Variants in ARHGAP39 observed in about 807,000 individuals in gnomAD.
ARHGAP39 encodes the protein Rho GTPase activating protein 39.
In ARHGAP39, 44 loss-of-function variants were observed where a neutral mutation model predicts 106.9. That is an observed-to-expected ratio of 0.41 (90% confidence interval 0.32 to 0.53). ARHGAP39 has a LOEUF of 0.53. Among genes scored for constraint, ARHGAP39 ranks in the 20% least tolerant of loss-of-function variants. ARHGAP39 has a pLI of 0.21. For synonymous variants in ARHGAP39, 768 were observed against 693.2 expected (o/e 1.11, Z -1.69); for missense variants, 1,496 against 1,577.3 (o/e 0.95, Z 0.87).
At chr8:144,631,923 G>A (rs751774609) in intron 1 of ARHGAP39, among the ~76,000 whole-genome samples, 5 of 152,216 alleles carry the variant, frequency 3.3e-5, no homozygotes, top group Admixed American at 2.0e-4. Flanking sequence ...AACAGCCGGT[G>A]ACTGGGCCTC....
intron 3 of ARHGAP39, among the ~76,000 whole-genome samples, chr8:144,564,861 C>T (rs1477580548): frequency 6.6e-6 from 1 of 150,938 alleles, no homozygotes; most frequent in Non-Finnish European, 1.5e-5. Context: ...AATCCCAGCA[C>T]TTTGGGAGGC....
chr8:144,622,927 A>G (rs1232431138), intron 1 of ARHGAP39, among the ~76,000 whole-genome samples: 1 of 152,194 alleles, frequency 6.6e-6, no homozygotes, highest in South Asian at 2.1e-4. Context: ...CCCAAGGCTG[A>G]GACTGGGAGG....
rs776286021 is a variant in ARHGAP39, at chr8:144,530,161, G to A, written c.*261C>T. The A allele has an allele frequency of 4.8e-5, 25 of 518,136 alleles. No homozygotes were observed. The highest frequency in any genetic ancestry group is 8.5e-5 in the Non-Finnish European group (25 of 292,878). The allele number at this position is 518,136 out of a possible 1,614,324, so 32.1% of individuals were successfully genotyped here. A position where few individuals can be genotyped will look rare whatever the true frequency, so the allele number is the denominator to read the frequency against. ...GGCACTTTCTCGGAGCTGACCCGCG[G>A]CCAGCGGAGGGCGAGGCGGTGCCCG... is the stretch of plus-strand genomic sequence containing the variant. On this transcript the variant is annotated 3_prime_UTR_variant, in exon 12 of 12. Transcript: ENST00000377307.
chr8:144,535,831 T>G (rs1032751434), intron 7 of ARHGAP39, among the ~76,000 whole-genome samples: 1 of 152,210 alleles, frequency 6.6e-6, no homozygotes, highest in Non-Finnish European at 1.5e-5. Context: ...TGTGCCTCAG[T>G]TTACTCCTCT....
In ARHGAP39 at chr8:144,644,374, A is replaced by G. The variant is rs1271071827; in HGVS notation, c.-81-38679T>C. ...TGTCCATGAAGTGACCAGGAGCGGC[A>G]GATCGGCAGAGATGGAGGCGGCTAT... On this transcript the variant is annotated intron_variant, in intron 1 of 11. Transcript: ENST00000377307. This position sits in a 1 kb window ranked among gnomAD's most constrained non-coding sequence, Gnocchi z 4.8. Among the ~76,000 whole-genome samples the G allele has an allele frequency of 2.0e-5, 3 of 152,224 alleles. No individual in the cohort carries two copies. Among genetic ancestry groups the G allele is most frequent in the Non-Finnish European group, 4.4e-5 (3 of 68,038 alleles).
At chr8:144,600,424 G>A (rs543926010) in intron 2 of ARHGAP39, among the ~76,000 whole-genome samples, 2 of 148,390 alleles carry the variant, frequency 1.3e-5, no homozygotes, top group Non-Finnish European at 3.0e-5. Context: ...GTACCTGAGT[G>A]TGCGTGTTCG....
At chr8:144,667,728 TG>T (rs1268483769) in intron 1 of ARHGAP39, among the ~76,000 whole-genome samples, 1 of 152,220 alleles carries the variant, frequency 6.6e-6, no homozygotes, top group Non-Finnish European at 1.5e-5. Context: ...GTGACCCTGG[TG>T]GGTCACAGCC....
At chr8:144,688,544 G>A (rs920619450), upstream of ARHGAP39, among the ~76,000 whole-genome samples, 23 of 152,148 alleles carry the variant, frequency 1.5e-4, no homozygotes, top group African/African-American at 5.3e-4. Context: ...TCAGGAATTC[G>A]AGACCAGCCT....
chr8:144,573,549 T>A (rs543944567), intron 3 of ARHGAP39, among the ~76,000 whole-genome samples: 1 of 152,162 alleles, frequency 6.6e-6, no homozygotes, highest in African/African-American at 2.4e-5. Context: ...GGCACATGTA[T>A]ACCTATGTAA....
At position 144,679,511 on chromosome 8, in the gene ARHGAP39, G is replaced by A. The variant is rs532578579; in HGVS notation, c.-82+6175C>T. 1.4e-3 allele frequency among the ~76,000 whole-genome samples: 214 copies of A among 152,352 alleles called. No homozygotes were observed. The highest frequency in any genetic ancestry group is 4.7e-3 in the African/African-American group (197 of 41,586). ...CCTCTGCTGCTGTGAGCGCTGCAGTGCTGGGGTTGCTACTGCAACTCGCTC... is the reference window on the plus strand; with the variant it reads ...CCTCTGCTGCTGTGAGCGCTGCAGTACTGGGGTTGCTACTGCAACTCGCTC... On this transcript the variant is annotated intron_variant, in intron 1 of 11. Transcript: ENST00000377307. This position sits in a 1 kb window ranked among gnomAD's most constrained non-coding sequence, Gnocchi z 4.7.
chr8:144,660,894 G>A (rs1212964135), intron 1 of ARHGAP39, among the ~76,000 whole-genome samples: 1 of 152,132 alleles, frequency 6.6e-6, no homozygotes, highest in Non-Finnish European at 1.5e-5. Flanking sequence ...TGAGGCAGGA[G>A]AATTGCTTGA....
chr8:144,579,901 C>A (rs1397795998), intron 3 of ARHGAP39, among the ~76,000 whole-genome samples: 4 of 152,164 alleles, frequency 2.6e-5, no homozygotes, highest in Non-Finnish European at 4.4e-5. Context: ...AGAGTGGCCT[C>A]CATCCGCCCC....
At chr8:144,546,049 C>T (rs1817406900) in intron 5 of ARHGAP39, among the ~76,000 whole-genome samples, 1 of 152,200 alleles carries the variant, frequency 6.6e-6, no homozygotes, top group African/African-American at 2.4e-5. Context: ...GGGCAGCCTG[C>T]TGATGGGTGA....
At chr8:144,685,491 C>T (rs1448832862) in intron 1 of ARHGAP39, among the ~76,000 whole-genome samples, 195 bp downstream of exon 1, 1 of 148,868 alleles carries the variant, frequency 6.7e-6, no homozygotes, top group African/African-American at 2.4e-5. Context: ...CCGGGCCCCG[C>T]ACACCCACGC....
chr8:144,530,059 A>AG lies in ARHGAP39; in HGVS notation c.*362dup. 3.9e-6 allele frequency: 1 copy of AG among 259,082 alleles called. No homozygotes were observed. Among genetic ancestry groups the AG allele is most frequent in the East Asian group, 9.6e-5 (1 of 10,444 alleles). 16.0% of individuals were successfully genotyped at this position (259,082 alleles called of 1,614,324 possible). ...AGACCGGGGCGGCTGGGCAAGGCCC[A>AG]GGCCAGGGCGCGCAGGAGCCACAGG... On this transcript the variant is annotated 3_prime_UTR_variant, in exon 12 of 12. Coordinates refer to ENST00000377307, the MANE Select transcript of ARHGAP39 (RefSeq NM_025251.3).
At chr8:144,691,950 C>T in the ARHGAP39 span, among the ~76,000 whole-genome samples, 2 of 151,992 alleles carry the variant, frequency 1.3e-5, no homozygotes, top group Non-Finnish European at 2.9e-5. Flanking sequence ...TGTCCTAAAC[C>T]GATTCAAGGC....
chr8:144,574,618 A>G lies in ARHGAP39; in HGVS notation c.512+6228T>C, dbSNP rs202011204. 1.6e-4 allele frequency among the ~76,000 whole-genome samples: 25 copies of G among 152,280 alleles called. No homozygotes were observed. The South Asian group carries it at 1.9e-3, about 11-fold the overall frequency. On this transcript the variant is annotated intron_variant, in intron 3 of 11. Transcript: ENST00000377307. Reference sequence around the variant, plus strand: ...GAACCCAGGAGGCGGAGCTTGCAGTAAGCTGAGATTGCGGCACTGCATTCC... The same window carrying G: ...GAACCCAGGAGGCGGAGCTTGCAGTGAGCTGAGATTGCGGCACTGCATTCC...
chr8:144,669,140 C>A (rs1376516517), intron 1 of ARHGAP39, among the ~76,000 whole-genome samples: 1 of 142,084 alleles, frequency 7.0e-6, no homozygotes, highest in Non-Finnish European at 1.5e-5. Context: ...TTACCTCACA[C>A]ATGAACAAAA....
chr8:144,557,960 C>A (rs1364356590), intron 3 of ARHGAP39, among the ~76,000 whole-genome samples: 2 of 152,196 alleles, frequency 1.3e-5, no homozygotes, highest in African/African-American at 4.8e-5. Flanking sequence ...AATTGTCAGC[C>A]TAGAGAAATT....
Sources: gnomAD v4.1 joint callset for allele counts (sites outside exome capture counted in the v4.1 genomes callset) on GRCh38, gnomAD v4.1.1 for gene constraint, Gnocchi (gnomAD v3.1) non-coding constraint, MANE v1.5 for transcripts, NCBI Gene and HGNC (gene_info 2026-07-23, HGNC 2026-07-21) for gene names.